Variants in IL1RAPL2 observed in about 807,000 individuals in gnomAD.
IL1RAPL2 encodes X-linked interleukin-1 receptor accessory protein-like 2.
Under a neutral mutation model 44.1 loss-of-function variants are expected in IL1RAPL2, and 3 were observed. The observed-to-expected ratio is 0.07, with a 90% CI of 0.03 to 0.18. IL1RAPL2 has a LOEUF of 0.18. Among genes scored for constraint, IL1RAPL2 ranks in the 10% least tolerant of loss-of-function variants. The pLI is 1.00. For synonymous variants in IL1RAPL2, 181 were observed against 178.8 expected (o/e 1.01, Z -0.10); for missense variants, 391 against 496.4 (o/e 0.79, Z 2.02).
intron 2 of IL1RAPL2, among the ~76,000 whole-genome samples, chrX:104,941,152 G>C (rs749834648): frequency 2.7e-5 from 3 of 110,368 alleles, no homozygotes; most frequent in Non-Finnish European, 5.7e-5. Context: ...GAATAGTGCC[G>C]CAATAAACAT....
intron 2 of IL1RAPL2, among the ~76,000 whole-genome samples, chrX:104,678,332 A>T (rs1371391160): frequency 1.8e-5 from 2 of 112,076 alleles, no homozygotes; most frequent in South Asian, 3.7e-4. Context: ...TTTTAAACCT[A>T]TGTAGAGTAA....
chrX:104,786,278 A>T (rs1015686359), intron 2 of IL1RAPL2, among the ~76,000 whole-genome samples: 16 of 111,412 alleles, frequency 1.4e-4, no homozygotes, highest in Non-Finnish European at 1.9e-5. Flanking sequence ...TCTCAGAGGT[A>T]CCTCAGTAAG....
chrX:104,915,629 A>G (rs1416258572), intron 2 of IL1RAPL2, among the ~76,000 whole-genome samples: 5 of 110,863 alleles, frequency 4.5e-5, no homozygotes, highest in Non-Finnish European at 9.5e-5. Context: ...TGTTTTAGAC[A>G]TGAAGTCCTT....
In IL1RAPL2 at chrX:104,956,461, A is replaced by AGTGTGTGTGTGTGTGTGTGTGTGT. The variant is rs59541869; in HGVS notation, c.83-239003_83-238980dup. On this transcript the variant is annotated intron_variant, in intron 2 of 10. Coordinates refer to ENST00000372582, the MANE Select transcript of IL1RAPL2 (RefSeq NM_017416.2). ...ACATGGCAAAACCCTGTCTCTACTA[A>AGTGTGTGTGTGTGTGTGTGTGTGT]GTGTGTGTGTGTGTGTGTGTGTGTG... Among the ~76,000 whole-genome samples the AGTGTGTGTGTGTGTGTGTGTGTGT allele has an allele frequency of 3.2e-3, 273 of 84,077 alleles. 5 individuals are homozygous for AGTGTGTGTGTGTGTGTGTGTGTGT. Among genetic ancestry groups the AGTGTGTGTGTGTGTGTGTGTGTGT allele is most frequent in the African/African-American group, 9.6e-3 (203 of 21,087 alleles). 73.0% of individuals were successfully genotyped at this position (84,077 alleles called of 115,157 possible). A position where few individuals can be genotyped will look rare whatever the true frequency, so the allele number is the denominator to read the frequency against.
intron 7 of IL1RAPL2, among the ~76,000 whole-genome samples, chrX:105,739,179 C>T (rs1464896598): frequency 1.8e-5 from 2 of 111,128 alleles, no homozygotes; most frequent in Non-Finnish European, 3.8e-5. Flanking sequence ...CAGATTTTTT[C>T]CCTTAATGCC....
chrX:104,719,438 T>C (rs1319973131), intron 2 of IL1RAPL2, among the ~76,000 whole-genome samples: 1 of 111,976 alleles, frequency 8.9e-6, no homozygotes, highest in Non-Finnish European at 1.9e-5. Context: ...CTTGCTTTCA[T>C]AGTCACATAT....
intron 2 of IL1RAPL2, among the ~76,000 whole-genome samples, chrX:104,753,791 A>G (rs1221969044): frequency 8.9e-6 from 1 of 111,747 alleles, no homozygotes; most frequent in African/African-American, 3.2e-5. Flanking sequence ...ACTTGAGAAT[A>G]AAACATATGC....
intron 1 of IL1RAPL2, among the ~76,000 whole-genome samples, chrX:104,650,119 C>G (rs888274950): frequency 1.1e-4 from 12 of 111,170 alleles, no homozygotes; most frequent in Admixed American, 3.8e-4. Flanking sequence ...TATATACTAA[C>G]CCTAGGGAAT....
chrX:104,572,098 A>C (rs754538799), intron 1 of IL1RAPL2, among the ~76,000 whole-genome samples: 1 of 111,690 alleles, frequency 9.0e-6, no homozygotes, highest in South Asian at 3.8e-4. Flanking sequence ...TACTTTGGGG[A>C]ATGCCCTTCC....
chrX:104,718,694 T>G (rs1456309970), intron 2 of IL1RAPL2, among the ~76,000 whole-genome samples: 1 of 111,459 alleles, frequency 9.0e-6, no homozygotes, highest in Non-Finnish European at 1.9e-5. Context: ...GTTTATAAAT[T>G]ATGCAATCTC....
chrX:105,461,491 T>C (rs2036092500), intron 5 of IL1RAPL2, among the ~76,000 whole-genome samples: 1 of 110,855 alleles, frequency 9.0e-6, no homozygotes, highest in Admixed American at 9.6e-5. Context: ...ATTTCCAAAT[T>C]GAGTATATTC....
Position 104,600,894 on chromosome X carries a change from C to T in IL1RAPL2, c.-20+33843C>T, listed in dbSNP as rs758446244. Among the ~76,000 whole-genome samples the T allele has an allele frequency of 1.1e-3, 123 of 111,750 alleles. 1 individual carries two copies. Among genetic ancestry groups the T allele is most frequent in the African/African-American group, 3.5e-3 (109 of 30,814 alleles). The stretch of plus-strand genomic sequence containing the variant: ...GATATCCCGTGGTGTATATGTATCA[C>T]ATTTTCTTTGTCCAGTCCACCATTG... On this transcript the variant is annotated intron_variant, in intron 1 of 10. Transcript: ENST00000372582.
intron 1 of IL1RAPL2, among the ~76,000 whole-genome samples, chrX:104,571,156 T>A (rs1280947150): frequency 9.0e-6 from 1 of 111,598 alleles, no homozygotes; most frequent in Non-Finnish European, 1.9e-5. Context: ...TTCTAGATTC[T>A]TGATCTGGCC....
At chrX:105,403,187 A>T (rs948804633) in intron 5 of IL1RAPL2, among the ~76,000 whole-genome samples, 2 of 111,706 alleles carry the variant, frequency 1.8e-5, no homozygotes, top group African/African-American at 6.5e-5. Context: ...CTGTATTTCA[A>T]AGTACCTGTT....
At chrX:105,654,638 C>T (rs2037665349) in intron 6 of IL1RAPL2, among the ~76,000 whole-genome samples, 2 of 111,538 alleles carry the variant, frequency 1.8e-5, no homozygotes, top group African/African-American at 6.5e-5. Flanking sequence ...TCCTCCATTG[C>T]TTGTGTGCCA....
intron 6 of IL1RAPL2, among the ~76,000 whole-genome samples, chrX:105,687,235 G>T (rs908831843): frequency 2.8e-5 from 3 of 105,284 alleles, no homozygotes; most frequent in African/African-American, 1.0e-4. Context: ...GAGCAGAAAT[G>T]AAAGAGATAG....
chrX:105,218,867 C>T, intron 3 of IL1RAPL2: 1 of 775,785 alleles, frequency 1.3e-6, no homozygotes, highest in Non-Finnish European at 1.9e-6. Context: ...AGCCTTCTTC[C>T]CCTACCACCC....
At chrX:105,450,269 A>G (rs1414018512) in intron 5 of IL1RAPL2, among the ~76,000 whole-genome samples, 2 of 111,169 alleles carry the variant, frequency 1.8e-5, no homozygotes, top group Non-Finnish European at 3.8e-5. Flanking sequence ...GCATAGGCAA[A>G]TCGAGATTAC....
intron 6 of IL1RAPL2, among the ~76,000 whole-genome samples, chrX:105,686,075 A>G (rs2147527234): frequency 9.0e-6 from 1 of 111,363 alleles, no homozygotes; most frequent in Admixed American, 9.6e-5. Context: ...GAAAGAAGCA[A>G]CCAGTACCAG....
Sources: allele counts gnomAD v4.1 joint callset (sites outside exome capture counted in the v4.1 genomes callset), GRCh38; gene constraint gnomAD v4.1.1; transcripts MANE v1.5; gene names NCBI Gene and HGNC (gene_info 2026-07-23, HGNC 2026-07-21).